Variants in SUDS3 observed in about 807,000 individuals in gnomAD.
SUDS3 encodes SIN3A corepressor complex component SDS3.
In SUDS3, 23 loss-of-function variants were observed where a neutral mutation model predicts 53.5. The observed-to-expected ratio is 0.43, with a 90% CI of 0.31 to 0.61. SUDS3 has a LOEUF of 0.61. Ranked by LOEUF, SUDS3 falls within the 20% of genes least tolerant of loss-of-function variation. The pLI, the probability that SUDS3 is intolerant of heterozygous loss-of-function variation, is 0.10. For synonymous variants in SUDS3, 150 were observed against 148.5 expected (o/e 1.01, Z -0.08); for missense variants, 291 against 405.9 (o/e 0.72, Z 2.43).
At chr12:118,384,119 A>AATATT in intron 3 of SUDS3, 52 bp downstream of exon 3, 2 of 1,556,350 alleles carry the variant, frequency 1.3e-6, no homozygotes, top group Non-Finnish European at 1.8e-6. Context: ...TAATATTACA[A>AATATT]ACCCTTGAAA....
chr12:118,414,403 C>G lies in SUDS3; in HGVS notation c.957C>G (p.Leu319=), dbSNP rs2046383055. The G allele has an allele frequency of 6.2e-7, 1 of 1,600,856 alleles. No individual in the cohort carries two copies. Among genetic ancestry groups the G allele is most frequent in the Non-Finnish European group, 8.5e-7 (1 of 1,174,058 alleles). ...ACCTGGGCCAGCTTCAGCGCGGGCT[C>G]TTCGTGATCCGCCGGCGCTCAGCTG... ...RIYLGQLQRG[L]FVIRRRSAA is the part of the protein sequence containing the mutation. The change falls in exon 12 of 12, where the codon CTC becomes CTG. Residue 319 remains leucine (L), a synonymous_variant. Transcript: ENST00000543473.
intron 1 of SUDS3, among the ~76,000 whole-genome samples, chr12:118,378,504 T>TG (rs1406417951): frequency 2.0e-5 from 3 of 150,050 alleles, no homozygotes; most frequent in Non-Finnish European, 4.4e-5. Context: ...TTTTTTAAGA[T>TG]GGGGTCTCAC....
intron 6 of SUDS3, among the ~76,000 whole-genome samples, 186 bp from the exon 7 acceptor site, chr12:118,400,473 A>G (rs575159269): frequency 6.6e-6 from 1 of 152,302 alleles, no homozygotes; most frequent in Admixed American, 6.5e-5. Flanking sequence ...GCTGGTCTGA[A>G]TCTTACAAGT....
intron 3 of SUDS3, among the ~76,000 whole-genome samples, chr12:118,384,873 G>T (rs141987372): frequency 1.3e-3 from 194 of 152,242 alleles, no homozygotes; most frequent in Non-Finnish European, 2.5e-3. Flanking sequence ...TTTTGTGAGG[G>T]ATTGGAATCC....
chr12:118,381,145 A>G (rs2141359917), intron 2 of SUDS3, among the ~76,000 whole-genome samples: 1 of 152,320 alleles, frequency 6.6e-6, no homozygotes, highest in East Asian at 1.9e-4. Flanking sequence ...GAGAGCTCAG[A>G]GAAGCCACGA....
At chr12:118,402,175 TTTC>T (rs1014415224) in intron 9 of SUDS3, 171 bp downstream of exon 9, 1 of 624,992 alleles carries the variant, frequency 1.6e-6, no homozygotes, top group African/African-American at 1.9e-5. Context: ...CCCTCCCTGA[TTTC>T]TTTTTTTTTC....
chr12:118,383,588 A>G (rs773711253), intron 2 of SUDS3, among the ~76,000 whole-genome samples: 2 of 152,268 alleles, frequency 1.3e-5, no homozygotes, highest in Non-Finnish European at 2.9e-5. Context: ...GCATATCTGC[A>G]TAGAAAAACA....
intron 8 of SUDS3, 36 bp from the exon 9 acceptor site, chr12:118,401,947 T>C (rs767296889): frequency 1.2e-6 from 2 of 1,613,790 alleles, no homozygotes; most frequent in Non-Finnish European, 1.7e-6. Context: ...CTGAAATGAT[T>C]TTCTCTAAGA....
At position 118,397,842 on chromosome 12, in the gene SUDS3, C is replaced by T. The variant is rs543309613; in HGVS notation, c.518-2817C>T. Among the ~76,000 whole-genome samples, 587 of 152,124 alleles carry T rather than the reference C, an allele frequency of 3.9e-3. 4 individuals carry two copies. Among genetic ancestry groups the T allele is most frequent in the African/African-American group, 0.013 (549 of 41,476 alleles). On this transcript the variant is annotated intron_variant, in intron 6 of 11. Coordinates refer to ENST00000543473, the MANE Select transcript of SUDS3 (RefSeq NM_022491.3). ...TGGCCTTTACTTGGCTTACATCCATCATGCATTGTCCACCCTCCCCACTCC... is the reference window on the plus strand; with the variant it reads ...TGGCCTTTACTTGGCTTACATCCATTATGCATTGTCCACCCTCCCCACTCC...
At chr12:118,387,407 G>A (rs1376012342) in intron 4 of SUDS3, among the ~76,000 whole-genome samples, 1 of 152,084 alleles carries the variant, frequency 6.6e-6, no homozygotes, top group Admixed American at 6.5e-5. Context: ...ATCTGTAGAG[G>A]GGAATATTAA....
At chr12:118,379,409 C>T (rs1348576703) in intron 1 of SUDS3, among the ~76,000 whole-genome samples, 1 of 152,116 alleles carries the variant, frequency 6.6e-6, no homozygotes, top group African/African-American at 2.4e-5. Context: ...TGCACTCCAG[C>T]CTGGGCGACA....
chr12:118,401,668 T>A (rs1485550773), intron 7 of SUDS3, 91 bp from the exon 8 acceptor site: 2 of 1,104,394 alleles, frequency 1.8e-6, no homozygotes, highest in East Asian at 4.7e-5. Flanking sequence ...AAAATCATAC[T>A]TTGTAAATTC....
chr12:118,381,423 C>G (rs1159097370), intron 2 of SUDS3, among the ~76,000 whole-genome samples: 1 of 151,750 alleles, frequency 6.6e-6, no homozygotes. Flanking sequence ...CGCTTTGTTG[C>G]CCAGGCTGGA....
At chr12:118,413,801 G>A (rs868033670) in intron 11 of SUDS3, among the ~76,000 whole-genome samples, 19 of 152,304 alleles carry the variant, frequency 1.2e-4, no homozygotes, top group Admixed American at 6.5e-5. Context: ...ACCTTCTCAT[G>A]ATCCTAATTG....
chr12:118,399,612 A>G (rs1046765547), intron 6 of SUDS3, among the ~76,000 whole-genome samples: 1 of 152,154 alleles, frequency 6.6e-6, no homozygotes, highest in Non-Finnish European at 1.5e-5. Context: ...GGGAAAGACC[A>G]CTGAAGGCCG....
chr12:118,392,323 A>T (rs780487933), intron 6 of SUDS3, among the ~76,000 whole-genome samples: 1 of 152,114 alleles, frequency 6.6e-6, no homozygotes, highest in East Asian at 1.9e-4. Context: ...TCCCCTCTAT[A>T]TATTCCTGGT....
intron 1 of SUDS3, 37 bp downstream of exon 1, chr12:118,376,870 G>A: frequency 6.7e-7 from 1 of 1,496,964 alleles, no homozygotes. Flanking sequence ...CCGGAGCGGA[G>A]GTGGGACCGC....
At chr12:118,404,797 C>T (rs1003016264) in intron 10 of SUDS3, among the ~76,000 whole-genome samples, 3 of 151,992 alleles carry the variant, frequency 2.0e-5, no homozygotes, top group African/African-American at 7.3e-5. Flanking sequence ...AGTATCTAAC[C>T]AAAAGTTCCA....
rs748749200 is a variant in SUDS3, at chr12:118,380,221, A to G, written c.202A>G (p.Met68Val). The G allele has an allele frequency of 1.2e-6, 2 of 1,606,776 alleles. No individual in the cohort carries two copies. The highest frequency in any genetic ancestry group is 1.7e-6 in the Non-Finnish European group (2 of 1,176,502). Residue 68 changes from methionine (M) to valine (V), a missense_variant, in exon 2 of 12, where the codon ATG (methionine) becomes GTG (valine). Transcript: ENST00000543473. ...AKHDEEDYVEMKEQMYQDKLA... is the reference protein window; with the variant it reads ...AKHDEEDYVEVKEQMYQDKLA... ...GCATGATGAAGAAGACTATGTAGAA[A>G]TGAAGGAACAGTGAGTATGATATGC...
Sources: gnomAD v4.1 joint callset for allele counts (sites outside exome capture counted in the v4.1 genomes callset) on GRCh38, gnomAD v4.1.1 for gene constraint, MANE v1.5 for transcripts, NCBI Gene and HGNC (gene_info 2026-07-23, HGNC 2026-07-21) for gene names.